HIPK2: variants seen among roughly 807,000 people sequenced by gnomAD.
HIPK2 encodes homeodomain-interacting protein kinase 2.
Under a neutral mutation model 113.7 loss-of-function variants are expected in HIPK2, and 27 were observed. That is an observed-to-expected ratio of 0.24 (90% CI 0.17 to 0.33). The LOEUF is 0.33. HIPK2 is among the 10% of genes least tolerant of loss of function. The pLI, the probability that HIPK2 is intolerant of heterozygous loss-of-function variation, is 1.00. For synonymous variants in HIPK2, 631 were observed against 642.2 expected, an observed-to-expected ratio of 0.98 and a Z score of 0.26; for missense variants, 1,257 against 1,588.0, an observed-to-expected ratio of 0.79 and a Z score of 3.54.
At chr7:139,746,877 C>G (rs1177967531) in intron 1 of HIPK2, among the ~76,000 whole-genome samples, 1 of 152,084 alleles carries the variant, frequency 6.6e-6, no homozygotes, top group Non-Finnish European at 1.5e-5. Context: ...CATAGCGTGT[C>G]TCTGCCTCAC....
chr7:139,751,533 T>TGGAG (rs6150368), intron 1 of HIPK2, among the ~76,000 whole-genome samples: 190 of 97,582 alleles, frequency 1.9e-3, no homozygotes, highest in Middle Eastern at 6.0e-3. Flanking sequence ...ATGAATGATT[T>TGGAG]GGAGGGAGGG....
At chr7:139,739,630 T>C (rs1190282177) in intron 1 of HIPK2, among the ~76,000 whole-genome samples, 1 of 151,700 alleles carries the variant, frequency 6.6e-6, no homozygotes, top group African/African-American at 2.4e-5. Context: ...AACACAATTG[T>C]GTGACCATCA....
intron 2 of HIPK2, among the ~76,000 whole-genome samples, chr7:139,652,007 A>C (rs1043006301): frequency 6.6e-6 from 1 of 152,190 alleles, no homozygotes; most frequent in African/African-American, 2.4e-5. Flanking sequence ...AACTCAGTGA[A>C]TATCTGCCGG....
chr7:139,670,366 T>C lies in HIPK2; in HGVS notation c.1104-38641A>G, dbSNP rs185499176. On this transcript the variant is annotated intron_variant, in intron 2 of 14. Coordinates refer to ENST00000406875, the MANE Select transcript of HIPK2 (RefSeq NM_022740.5). ...TGGTAGGCTGAAGAGGGAGGATCATTTGAGGCCAAGAGTTCAAGACCAGCC... is the reference window on the plus strand; with the variant it reads ...TGGTAGGCTGAAGAGGGAGGATCATCTGAGGCCAAGAGTTCAAGACCAGCC... 2.4e-3 allele frequency among the ~76,000 whole-genome samples: 358 copies of C among 152,002 alleles called. 3 individuals are homozygous for C. The highest frequency in any genetic ancestry group is 7.6e-3 in the African/African-American group (316 of 41,442).
chr7:139,606,048 A>G (rs1799606114), intron 9 of HIPK2, among the ~76,000 whole-genome samples: 1 of 152,168 alleles, frequency 6.6e-6, no homozygotes, highest in Admixed American at 6.5e-5. Context: ...TTTTTCTTCT[A>G]TTTCCCTGAA....
intron 10 of HIPK2, 95 bp downstream of exon 10, chr7:139,603,986 T>C (rs1276724977): frequency 3.3e-6 from 5 of 1,536,562 alleles, no homozygotes; most frequent in Non-Finnish European, 2.7e-6. Context: ...AACCGGGGAA[T>C]TGAAGTACAG....
chr7:139,564,126 A>C lies in HIPK2; in HGVS notation c.*8801T>G. 1 of 397,100 alleles carries C rather than the reference A, an allele frequency of 2.5e-6. No individual in the cohort carries two copies. The highest frequency in any genetic ancestry group is 4.4e-6 in the Non-Finnish European group (1 of 225,684). The allele number at this position is 397,100 out of a possible 1,614,324, so 24.6% of individuals were successfully genotyped here. On this transcript the variant is annotated 3_prime_UTR_variant, in exon 15 of 15. Transcript: ENST00000406875. The stretch of plus-strand genomic sequence containing the variant: ...GGATGCTAAGGTCCCCCTCCCACCG[A>C]ACTAGACTTTGAGTCTAAGCTGGAC...
intron 1 of HIPK2, among the ~76,000 whole-genome samples, chr7:139,747,722 G>C (rs757128171): frequency 8.0e-4 from 122 of 152,304 alleles, no homozygotes; most frequent in Non-Finnish European, 1.5e-3. Context: ...CCCTCCTGTG[G>C]CCTCCACTGG....
intron 6 of HIPK2, among the ~76,000 whole-genome samples, chr7:139,622,553 G>A (rs376928732): frequency 1.5e-4 from 23 of 152,248 alleles, no homozygotes; most frequent in African/African-American, 2.4e-4. Context: ...TTCACTTTAG[G>A]TTTATAAGAA....
intron 2 of HIPK2, among the ~76,000 whole-genome samples, chr7:139,699,514 G>A (rs971359504): frequency 1.3e-5 from 2 of 152,148 alleles, no homozygotes; most frequent in African/African-American, 2.4e-5. Context: ...AAGAAGTTAC[G>A]TTTTGTCCAG....
intron 1 of HIPK2, among the ~76,000 whole-genome samples, chr7:139,760,843 C>A (rs1796450387): frequency 6.6e-6 from 1 of 152,184 alleles, no homozygotes; most frequent in Non-Finnish European, 1.5e-5. Flanking sequence ...CTCTCTAATA[C>A]CATTGTCCCA....
rs963596837 is a variant in HIPK2, at chr7:139,568,686, T to G, written c.*4241A>C. 3.9e-5 allele frequency: 6 copies of G among 152,244 alleles called. No individual in the cohort carries two copies. Among genetic ancestry groups the G allele is most frequent in the African/African-American group, 1.4e-4 (6 of 41,440 alleles). 9.4% of individuals were successfully genotyped at this position (152,244 alleles called of 1,614,324 possible). A position where few individuals can be genotyped will look rare whatever the true frequency, so the allele number is the denominator to read the frequency against. On this transcript the variant is annotated 3_prime_UTR_variant, in exon 15 of 15. Transcript: ENST00000406875. ...TAAGTAAGGACTAGGTTGGCATCCCTCTGCTTGAGAGCTTGGTCCTAGTGA... is the reference window on the plus strand; with the variant it reads ...TAAGTAAGGACTAGGTTGGCATCCCGCTGCTTGAGAGCTTGGTCCTAGTGA...
intron 2 of HIPK2, among the ~76,000 whole-genome samples, chr7:139,632,529 C>T (rs1349618637): frequency 6.6e-6 from 1 of 152,142 alleles, no homozygotes; most frequent in Non-Finnish European, 1.5e-5. Context: ...TTCATGAATA[C>T]AGAGTCTGGT....
rs993283455 is a variant in HIPK2, at chr7:139,582,368, A to C, written c.2965+1449T>G. Reference sequence around the variant, plus strand: ...CTGAAGGTAAGGTCTCCTTCTTCCGAGAGAGCACAGCGCGAGCTGCGTGCT... The same window carrying C: ...CTGAAGGTAAGGTCTCCTTCTTCCGCGAGAGCACAGCGCGAGCTGCGTGCT... On this transcript the variant is annotated intron_variant, in intron 13 of 14. Transcript: ENST00000406875. Among the ~76,000 whole-genome samples the C allele has an allele frequency of 4.6e-5, 7 of 152,276 alleles. No homozygotes were observed. In the South Asian group the frequency reaches 1.5e-3, roughly 32 times the overall value.
intron 1 of HIPK2, among the ~76,000 whole-genome samples, chr7:139,731,060 T>C (rs376836700): frequency 1.3e-5 from 2 of 152,348 alleles, no homozygotes; most frequent in South Asian, 2.1e-4. Context: ...TTCTGTTGTT[T>C]TAGGCCACCT....
intron 1 of HIPK2, among the ~76,000 whole-genome samples, chr7:139,732,819 A>ATATGTGTG (rs563587879): frequency 2.1e-5 from 3 of 145,000 alleles, no homozygotes; most frequent in South Asian, 2.2e-4. Flanking sequence ...TTATATATAT[A>ATATGTGTG]TGTGTGTGTG....
chr7:139,582,641 C>A (rs1031625944), intron 13 of HIPK2, among the ~76,000 whole-genome samples: 1 of 152,240 alleles, frequency 6.6e-6, no homozygotes, highest in Non-Finnish European at 1.5e-5. Context: ...CCGCAAATGT[C>A]GGAAAGGGTG....
intron 1 of HIPK2, among the ~76,000 whole-genome samples, chr7:139,769,469 A>G (rs1796613285): frequency 6.6e-6 from 1 of 152,180 alleles, no homozygotes; most frequent in Non-Finnish European, 1.5e-5. Flanking sequence ...TTGAATTAGA[A>G]CCCCTTTTAA....
intron 12 of HIPK2, 188 bp from the exon 13 acceptor site, chr7:139,584,252 G>T (rs1027212428): frequency 8.3e-6 from 2 of 239,896 alleles, no homozygotes; most frequent in Non-Finnish European, 1.3e-5. Flanking sequence ...GCAGCAGGGG[G>T]ACATGTGAAG....
Sources: gnomAD v4.1 joint callset for allele counts (sites outside exome capture counted in the v4.1 genomes callset) on GRCh38, gnomAD v4.1.1 for gene constraint, MANE v1.5 for transcripts, NCBI Gene and HGNC (gene_info 2026-07-23, HGNC 2026-07-21) for gene names.